CSMD1: variants seen among roughly 807,000 people sequenced by gnomAD.
CSMD1 encodes CUB and Sushi multiple domains 1.
Under a neutral mutation model 417.5 loss-of-function variants are expected in CSMD1, and 213 were observed. The observed-to-expected ratio is 0.51, with a 90% CI of 0.46 to 0.57. The LOEUF is 0.57. Among genes scored for constraint, CSMD1 ranks in the 20% least tolerant of loss-of-function variants. CSMD1 has a pLI of 0.00. For synonymous variants in CSMD1, 2,862 were observed against 1,736.8 expected, an observed-to-expected ratio of 1.65 and a Z score of -16.11; for missense variants, 6,923 against 4,529.7, an observed-to-expected ratio of 1.53 and a Z score of -15.17.
intron 23 of CSMD1, among the ~76,000 whole-genome samples, chr8:3,339,074 G>C (rs28438824): frequency 0.031 from 4,539 of 147,548 alleles, 69 homozygotes; most frequent in Middle Eastern, 0.074. Flanking sequence ...CTATGAGTGA[G>C]AATATGCGGT....
At position 4,960,956 on chromosome 8, in the gene CSMD1, A is replaced by G. The variant is rs192756123; in HGVS notation, c.85+33376T>C. On this transcript the variant is annotated intron_variant, in intron 1 of 69. Transcript: ENST00000635120. ...CTGATTTCACTGCACATTTTTAAACAATGCACTTAGCCCATCTTATCTATT... is the reference window on the plus strand; with the variant it reads ...CTGATTTCACTGCACATTTTTAAACGATGCACTTAGCCCATCTTATCTATT... Among the ~76,000 whole-genome samples the G allele has an allele frequency of 2.1e-3, 327 of 152,242 alleles. 1 individual carries two copies. Among genetic ancestry groups the G allele is most frequent in the African/African-American group, 7.6e-3 (318 of 41,570 alleles).
At chr8:4,106,360 T>G (rs1018913462) in intron 3 of CSMD1, among the ~76,000 whole-genome samples, 11 of 152,198 alleles carry the variant, frequency 7.2e-5, no homozygotes, top group African/African-American at 2.7e-4. Flanking sequence ...TAAGTCAAAA[T>G]AAAGCATTCA....
At chr8:4,435,330 G>C (rs188865343) in intron 2 of CSMD1, among the ~76,000 whole-genome samples, 1 of 152,038 alleles carries the variant, frequency 6.6e-6, no homozygotes, top group Non-Finnish European at 1.5e-5. Context: ...TAAAATGCAG[G>C]ATTATGGAGT....
At chr8:3,061,891 C>A (rs993499191) in intron 49 of CSMD1, among the ~76,000 whole-genome samples, 7 of 151,950 alleles carry the variant, frequency 4.6e-5, no homozygotes, top group African/African-American at 1.5e-4. Flanking sequence ...TGCAAATCAC[C>A]CACATTCTTA....
intron 2 of CSMD1, among the ~76,000 whole-genome samples, chr8:4,422,910 G>A (rs1444683192): frequency 2.0e-5 from 3 of 151,804 alleles, no homozygotes; most frequent in Non-Finnish European, 4.4e-5. Flanking sequence ...AATATTAATG[G>A]GCTAACAAAG....
At chr8:3,260,573 C>G (rs1486140855) in intron 26 of CSMD1, among the ~76,000 whole-genome samples, 1 of 152,038 alleles carries the variant, frequency 6.6e-6, no homozygotes, top group Non-Finnish European at 1.5e-5. Flanking sequence ...AGAGGGTCCA[C>G]CGAGAACAAA....
chr8:3,607,263 G>A (rs959136223), intron 8 of CSMD1, among the ~76,000 whole-genome samples: 1 of 152,160 alleles, frequency 6.6e-6, no homozygotes, highest in Non-Finnish European at 1.5e-5. Context: ...CCACTGGGAA[G>A]TCTTCAGGGG....
At chr8:4,925,215 G>GGT (rs762807942) in intron 1 of CSMD1, among the ~76,000 whole-genome samples, 2 of 72,734 alleles carry the variant, frequency 2.7e-5, no homozygotes, top group South Asian at 6.9e-4. Flanking sequence ...CAGTTTTATG[G>GGT]TTTTTTTTTT....
intron 23 of CSMD1, among the ~76,000 whole-genome samples, chr8:3,330,611 A>T (rs1233022813): frequency 2.0e-5 from 3 of 152,146 alleles, no homozygotes; most frequent in Admixed American, 1.3e-4. Context: ...GGAGGATGAG[A>T]AGAGGGAGAG....
Position 4,453,719 on chromosome 8 carries a change from G to A in CSMD1, c.303-33654C>T, listed in dbSNP as rs184092009. 2.3e-3 allele frequency among the ~76,000 whole-genome samples: 350 copies of A among 151,920 alleles called. 1 individual carries two copies. The highest frequency in any genetic ancestry group is 7.5e-3 in the African/African-American group (312 of 41,440). ...CTTGGGTATGCACAGGCATCACAGC[G>A]GGCTTAACCATCCCCAAACGTAATT... On this transcript the variant is annotated intron_variant, in intron 2 of 69. Transcript: ENST00000635120.
At chr8:3,427,001 A>G (rs548937214) in intron 12 of CSMD1, among the ~76,000 whole-genome samples, 22 of 152,258 alleles carry the variant, frequency 1.4e-4, no homozygotes, top group African/African-American at 5.3e-4. Context: ...AAGGAGAGGA[A>G]TGCAGGGGGA....
chr8:3,762,624 T>C (rs566474016), intron 5 of CSMD1, among the ~76,000 whole-genome samples: 2 of 152,296 alleles, frequency 1.3e-5, no homozygotes, highest in African/African-American at 4.8e-5. Context: ...TAAGCCGCTC[T>C]TGTCTGTGGA....
At chr8:3,493,764 G>A (rs895341018) in intron 10 of CSMD1, 38 bp from the exon 11 acceptor site, 72 of 1,538,262 alleles carry the variant, frequency 4.7e-5, no homozygotes, top group Non-Finnish European at 6.1e-5. Flanking sequence ...TAGAACAACA[G>A]GTACTTCCCA....
At chr8:4,896,152 A>G (rs904407520) in intron 1 of CSMD1, among the ~76,000 whole-genome samples, 1 of 152,070 alleles carries the variant, frequency 6.6e-6, no homozygotes, top group Middle Eastern at 3.2e-3. Flanking sequence ...TTTTTTAAAC[A>G]TTTGAAAGAT....
chr8:4,622,092 C>A (rs1801813347), intron 2 of CSMD1, among the ~76,000 whole-genome samples: 2 of 147,286 alleles, frequency 1.4e-5, no homozygotes, highest in African/African-American at 2.5e-5. Flanking sequence ...AGGCAGGAGA[C>A]AAAATCTCTC....
intron 3 of CSMD1, among the ~76,000 whole-genome samples, chr8:4,379,722 G>C (rs1312566987): frequency 7.6e-6 from 1 of 131,774 alleles, no homozygotes; most frequent in Non-Finnish European, 1.7e-5. Context: ...GGGCAATGAA[G>C]CAACAGTGGC....
chr8:4,595,889 T>G (rs950664425), intron 2 of CSMD1, among the ~76,000 whole-genome samples: 1 of 152,188 alleles, frequency 6.6e-6, no homozygotes, highest in African/African-American at 2.4e-5. Flanking sequence ...TGGAATGATC[T>G]TGCATGCAGC....
At chr8:3,735,082 C>G (rs1796462806) in intron 6 of CSMD1, among the ~76,000 whole-genome samples, 1 of 152,168 alleles carries the variant, frequency 6.6e-6, no homozygotes, top group South Asian at 2.1e-4. Flanking sequence ...ACGCCAGCCA[C>G]CACAACGATG....
chr8:3,337,017 C>G (rs544521313), intron 23 of CSMD1, among the ~76,000 whole-genome samples: 1 of 152,140 alleles, frequency 6.6e-6, no homozygotes, highest in Non-Finnish European at 1.5e-5. Flanking sequence ...GAGGGTGTGT[C>G]CTGTGAACTG....
Sources: gnomAD v4.1 joint callset for allele counts (sites outside exome capture counted in the v4.1 genomes callset) on GRCh38, gnomAD v4.1.1 for gene constraint, MANE v1.5 for transcripts, NCBI Gene and HGNC (gene_info 2026-07-23, HGNC 2026-07-21) for gene names.